Variants in ATP8B4 observed in about 807,000 individuals in gnomAD.
ATP8B4 encodes the protein probable phospholipid-transporting ATPase IM.
Under a neutral mutation model 145.6 loss-of-function variants are expected in ATP8B4, and 133 were observed. The observed-to-expected ratio is 0.91, with a 90% CI of 0.79 to 1.05. The LOEUF is 1.05. Among genes scored for constraint, ATP8B4 ranks in the 50% least tolerant of loss-of-function variants. ATP8B4 has a pLI of 0.00. For missense variants in ATP8B4, 1,458 were observed against 1,425.2 expected (o/e 1.02, Z -0.37); for synonymous variants, 507 against 492.9 (o/e 1.03, Z -0.38).
chr15:49,890,628 G>A (rs1422090294), intron 23 of ATP8B4, among the ~76,000 whole-genome samples: 1 of 152,142 alleles, frequency 6.6e-6, no homozygotes, highest in Non-Finnish European at 1.5e-5. Context: ...CTCATTCTCT[G>A]TAGTTCTTAC....
At chr15:49,935,604 A>G (rs2041666603) in intron 14 of ATP8B4, among the ~76,000 whole-genome samples, 1 of 152,046 alleles carries the variant, frequency 6.6e-6, no homozygotes, top group South Asian at 2.1e-4. Context: ...GTAAAGCAAG[A>G]GACTCTTCAT....
At chr15:50,059,923 G>C (rs1368911093) in intron 3 of ATP8B4, among the ~76,000 whole-genome samples, 1 of 152,068 alleles carries the variant, frequency 6.6e-6, no homozygotes, top group Non-Finnish European at 1.5e-5. Flanking sequence ...TTAGAAACTG[G>C]TTTTCCCCAA....
At chr15:50,160,703 G>A (rs1283549245) in intron 1 of ATP8B4, among the ~76,000 whole-genome samples, 6 of 151,268 alleles carry the variant, frequency 4.0e-5, no homozygotes, top group African/African-American at 1.5e-4. Context: ...TCTTGTTACT[G>A]ATTTCTTTTT....
intron 1 of ATP8B4, among the ~76,000 whole-genome samples, chr15:50,152,160 T>G (rs1023971483): frequency 6.6e-6 from 1 of 152,178 alleles, no homozygotes; most frequent in African/African-American, 2.4e-5. Context: ...TATTTAAGAG[T>G]ACTTTTTAGA....
intron 10 of ATP8B4, among the ~76,000 whole-genome samples, chr15:49,985,916 T>C (rs2094335817): frequency 6.6e-6 from 1 of 152,150 alleles, no homozygotes; most frequent in South Asian, 2.1e-4. Flanking sequence ...GAAGTTTAAG[T>C]AACCAAAGCT....
At chr15:50,108,188 C>G (rs2056774885) in intron 1 of ATP8B4, among the ~76,000 whole-genome samples, 1 of 152,038 alleles carries the variant, frequency 6.6e-6, no homozygotes, top group African/African-American at 2.4e-5. Context: ...CAAGACCATC[C>G]CTCCTAGCCC....
At chr15:50,077,278 A>G (rs1000521437) in intron 2 of ATP8B4, among the ~76,000 whole-genome samples, 5 of 152,262 alleles carry the variant, frequency 3.3e-5, no homozygotes, top group Admixed American at 1.3e-4. Context: ...TAAGATAGCA[A>G]GTTGAGTCTG....
chr15:49,912,414 A>G (rs2039324164), intron 20 of ATP8B4, among the ~76,000 whole-genome samples: 1 of 152,178 alleles, frequency 6.6e-6, no homozygotes, highest in African/African-American at 2.4e-5. Context: ...TAACAGGAAA[A>G]CCTAGAGGAA....
chr15:49,926,245 C>T (rs1478495611), intron 16 of ATP8B4, among the ~76,000 whole-genome samples: 2 of 151,976 alleles, frequency 1.3e-5, no homozygotes, highest in Non-Finnish European at 1.5e-5. Context: ...GACATATTAC[C>T]CTCCTCCAAT....
chr15:49,946,201 A>G (rs745431983), intron 14 of ATP8B4, among the ~76,000 whole-genome samples: 1 of 152,234 alleles, frequency 6.6e-6, no homozygotes, highest in Non-Finnish European at 1.5e-5. Flanking sequence ...TTACATTTCT[A>G]TATAGTAACA....
chr15:50,104,968 G>A (rs1338224328), intron 2 of ATP8B4, among the ~76,000 whole-genome samples: 1 of 151,942 alleles, frequency 6.6e-6, no homozygotes, highest in African/African-American at 2.4e-5. Flanking sequence ...GATGGAATTG[G>A]AGACCATTAT....
intron 1 of ATP8B4, among the ~76,000 whole-genome samples, chr15:50,126,408 G>A (rs988953421): frequency 1.3e-5 from 2 of 152,128 alleles, no homozygotes; most frequent in Non-Finnish European, 2.9e-5. Flanking sequence ...ATGTCCCGAT[G>A]ACCTGATATT....
chr15:50,162,569 C>T (rs1209558129), intron 1 of ATP8B4, among the ~76,000 whole-genome samples: 5 of 152,036 alleles, frequency 3.3e-5, no homozygotes, highest in African/African-American at 7.2e-5. Context: ...TGCAGTGGCG[C>T]GATCTCAGCT....
chr15:50,109,408 G>A (rs1360419889), intron 1 of ATP8B4, among the ~76,000 whole-genome samples: 6 of 151,922 alleles, frequency 3.9e-5, no homozygotes, highest in Non-Finnish European at 7.4e-5. Flanking sequence ...TTTGTTTCAC[G>A]AATAGTCATA....
intron 1 of ATP8B4, among the ~76,000 whole-genome samples, chr15:50,125,371 T>G (rs1432051260): frequency 6.6e-6 from 1 of 152,214 alleles, no homozygotes; most frequent in African/African-American, 2.4e-5. Context: ...TCCAGGTCAC[T>G]GGGTGTGAAA....
At chr15:49,865,243 C>T (rs937826789) in intron 26 of ATP8B4, among the ~76,000 whole-genome samples, 1 of 152,190 alleles carries the variant, frequency 6.6e-6, no homozygotes, top group African/African-American at 2.4e-5. Context: ...TCAAAGAGTT[C>T]CTAGATAGCT....
rs547703859 is a variant in ATP8B4, at chr15:50,056,395, A to G, written c.88-8931T>C. Among the ~76,000 whole-genome samples, 209 of 152,236 alleles carry G rather than the reference A, an allele frequency of 1.4e-3. 1 individual carries two copies. Among genetic ancestry groups the G allele is most frequent in the African/African-American group, 5.0e-3 (206 of 41,528 alleles). On this transcript the variant is annotated intron_variant, in intron 3 of 27. Coordinates refer to ENST00000284509, the MANE Select transcript of ATP8B4 (RefSeq NM_024837.4). ...CAATAAACTTGTAAACTGATGACAC[A>G]ATTTCAGGAGGTGATCATCAAATAC...
intron 3 of ATP8B4, among the ~76,000 whole-genome samples, chr15:50,073,003 TATATATATATATATATAC>T (rs1198980750): frequency 0.011 from 641 of 59,874 alleles, 32 homozygotes; most frequent in African/African-American, 0.029. Flanking sequence ...TATATATATA[TATATATATATATATATAC>T]ACACACACAC....
intron 1 of ATP8B4, among the ~76,000 whole-genome samples, chr15:50,166,324 C>A (rs976520081): frequency 6.6e-6 from 1 of 152,146 alleles, no homozygotes; most frequent in African/African-American, 2.4e-5. Flanking sequence ...TTTGAATCTC[C>A]ATAAATTCTT....
Sources: gnomAD v4.1 joint callset for allele counts (sites outside exome capture counted in the v4.1 genomes callset) on GRCh38, gnomAD v4.1.1 for gene constraint, MANE v1.5 for transcripts, NCBI Gene and HGNC (gene_info 2026-07-23, HGNC 2026-07-21) for gene names.